ADGRA3: variants seen among roughly 807,000 people sequenced by gnomAD.
ADGRA3 encodes adhesion G protein-coupled receptor A3, also known as G-protein coupled receptor 125.
A neutral mutation model predicts 119.8 loss-of-function variants in ADGRA3; 56 were observed. The ratio of observed to expected loss-of-function variants is 0.47; its 90% confidence interval spans 0.38 to 0.58. The LOEUF (loss-of-function observed/expected upper bound fraction) is 0.58, where lower values mean the gene tolerates loss of function less well. ADGRA3 is among the 20% of genes least tolerant of loss of function. ADGRA3 has a pLI of 0.00. For synonymous variants in ADGRA3, 607 were observed against 623.8 expected, an observed-to-expected ratio of 0.97 and a Z score of 0.40; for missense variants, 1,516 against 1,649.0, an observed-to-expected ratio of 0.92 and a Z score of 1.40.
At position 22,387,599 on chromosome 4, in the gene ADGRA3, CT is replaced by C; in HGVS notation, c.*105del. ...AAAACTTCAAAGTTTATTCCAAATT[CT>C]TTTGAATCCCTATGGTGGCTGTAAA... On this transcript the variant is annotated 3_prime_UTR_variant, in exon 19 of 19. Transcript: ENST00000334304. The C allele has an allele frequency of 9.3e-7, 1 of 1,076,906 alleles. No homozygotes were observed. Among genetic ancestry groups the C allele is most frequent in the Non-Finnish European group, 1.3e-6 (1 of 781,892 alleles). The allele number at this position is 1,076,906 out of a possible 1,614,324, so 66.7% of individuals were successfully genotyped here. A position where few individuals can be genotyped will look rare whatever the true frequency, so the allele number is the denominator to read the frequency against.
chr4:22,458,642 G>A (rs115572359), intron 3 of ADGRA3, among the ~76,000 whole-genome samples: 161 of 152,064 alleles, frequency 1.1e-3, no homozygotes, highest in African/African-American at 3.5e-3. Flanking sequence ...TTTTGATTAC[G>A]CTGCTACACC....
intron 11 of ADGRA3, 102 bp from the exon 12 acceptor site, chr4:22,421,191 C>A: frequency 1.2e-6 from 1 of 816,108 alleles, no homozygotes; most frequent in Non-Finnish European, 1.9e-6. Flanking sequence ...TTAGCCAAAC[C>A]AGAAAGCCCA....
In ADGRA3 at chr4:22,515,795, G is replaced by A. The variant is rs1016718686; in HGVS notation, c.-11C>T. On this transcript the variant is annotated 5_prime_UTR_variant, in exon 1 of 19. Coordinates refer to ENST00000334304, the MANE Select transcript of ADGRA3 (RefSeq NM_145290.4). ...TCCGGGTGGCTCCATGCTGCGGGCC[G>A]GGGCCTGCGGGGCGAGCGGCGGCGC... The A allele has an allele frequency of 1.0e-6, 1 of 996,360 alleles. No individual in the cohort carries two copies. Among genetic ancestry groups the A allele is most frequent in the Non-Finnish European group, 1.2e-6 (1 of 840,668 alleles). 61.7% of individuals were successfully genotyped at this position (996,360 alleles called of 1,614,324 possible).
chr4:22,490,555 G>C (rs1358825213), intron 1 of ADGRA3, among the ~76,000 whole-genome samples: 1 of 152,042 alleles, frequency 6.6e-6, no homozygotes, highest in Non-Finnish European at 1.5e-5. Flanking sequence ...GGGAGTGAGA[G>C]CAGAAATACA....
At chr4:22,513,852 A>AC (rs1719542222) in intron 1 of ADGRA3, among the ~76,000 whole-genome samples, 1 of 138,406 alleles carries the variant, frequency 7.2e-6, no homozygotes, top group Non-Finnish European at 1.6e-5. Context: ...AGGCAAAAAA[A>AC]AAAAAAAAAA....
intron 2 of ADGRA3, among the ~76,000 whole-genome samples, chr4:22,462,872 C>T (rs1717516760): frequency 6.6e-6 from 1 of 152,192 alleles, no homozygotes; most frequent in South Asian, 2.1e-4. Context: ...CAGCTCCCCT[C>T]CTGGTGGCTG....
intron 2 of ADGRA3, among the ~76,000 whole-genome samples, chr4:22,467,808 T>G (rs1043498694): frequency 6.6e-6 from 1 of 152,222 alleles, no homozygotes; most frequent in African/African-American, 2.4e-5. Context: ...GGAGTCTGAC[T>G]TCAGGATGTA....
At chr4:22,416,858 T>C (rs896249780) in intron 12 of ADGRA3, among the ~76,000 whole-genome samples, 4 of 152,062 alleles carry the variant, frequency 2.6e-5, no homozygotes, top group African/African-American at 9.7e-5. Context: ...AAAAGGAAAA[T>C]GATAAGCATA....
chr4:22,413,093 A>AC lies in ADGRA3; in HGVS notation c.2232+88_2232+89insG, dbSNP rs1715278573. On this transcript the variant is annotated intron_variant, in intron 14 of 18. Coordinates refer to ENST00000334304, the MANE Select transcript of ADGRA3 (RefSeq NM_145290.4). The stretch of plus-strand genomic sequence containing the variant: ...TTAAAAGTAAAAAAAAAAAAAAAAC[A>AC]AAAAACAAAAAAACACTTCATTTGA... 4 of 1,053,480 alleles carry AC rather than the reference A, an allele frequency of 3.8e-6. No individual in the cohort carries two copies. In the South Asian group the frequency reaches 6.0e-5, roughly 16 times the overall value. 65.3% of individuals were successfully genotyped at this position (1,053,480 alleles called of 1,614,324 possible).
chr4:22,392,168 G>A (rs1168519886), intron 17 of ADGRA3, among the ~76,000 whole-genome samples: 1 of 152,150 alleles, frequency 6.6e-6, no homozygotes, highest in Non-Finnish European at 1.5e-5. Context: ...CCTTTGCATA[G>A]AATAATTAAA....
At position 22,388,905 on chromosome 4, in the gene ADGRA3, C is replaced by T. The variant is rs527691551; in HGVS notation, c.2766G>A (p.Gly922=). 1 of 1,614,058 alleles carries T rather than the reference C, an allele frequency of 6.2e-7. No homozygotes were observed. Among genetic ancestry groups the T allele is most frequent in the African/African-American group, 1.3e-5 (1 of 75,016 alleles). Residue 922 remains glycine (G), a synonymous_variant, in exon 19 of 19, where the codon GGG becomes GGA. Transcript: ENST00000334304. ...AWEPSLGAFY[G]PASFITFVNC... is the part of the protein sequence containing the mutation. ...TTACAAAAGTGATGAAGCTGGCTGG[C>T]CCATAGAAGGCTCCCAAGGAGGGTT...
chr4:22,461,303 C>A (rs977401498), intron 3 of ADGRA3, among the ~76,000 whole-genome samples: 1 of 152,194 alleles, frequency 6.6e-6, no homozygotes, highest in East Asian at 1.9e-4. Context: ...ATAAAATACT[C>A]TTTGTTTTTC....
At chr4:22,427,865 C>G (rs890093267) in intron 10 of ADGRA3, among the ~76,000 whole-genome samples, 5 of 152,176 alleles carry the variant, frequency 3.3e-5, no homozygotes, top group African/African-American at 1.2e-4. Flanking sequence ...AAGGACTCCT[C>G]CACCTGTTCT....
At chr4:22,447,414 AAAGAG>A in intron 5 of ADGRA3, 21 bp downstream of exon 5, 1 of 1,360,972 alleles carries the variant, frequency 7.3e-7, no homozygotes, top group South Asian at 1.4e-5. Context: ...TCAAAAAAAA[AAAGAG>A]AGAAAAAAAT....
At chr4:22,482,426 C>T (rs908978577) in intron 1 of ADGRA3, among the ~76,000 whole-genome samples, 1 of 151,404 alleles carries the variant, frequency 6.6e-6, no homozygotes, top group African/African-American at 2.4e-5. Context: ...GAGGCTGAGG[C>T]AGGAGGACTG....
intron 1 of ADGRA3, among the ~76,000 whole-genome samples, chr4:22,477,217 A>C (rs1426783544): frequency 6.6e-6 from 1 of 152,166 alleles, no homozygotes; most frequent in Non-Finnish European, 1.5e-5. Flanking sequence ...TGACGTTAGA[A>C]ACTTCACAGG....
chr4:22,473,906 G>T, intron 1 of ADGRA3, 63 bp from the exon 2 acceptor site: 2 of 976,640 alleles, frequency 2.0e-6, no homozygotes, highest in Non-Finnish European at 1.6e-6. Flanking sequence ...AAGTAATTTA[G>T]CTTATTATGT....
chr4:22,444,658 T>A (rs917930292), intron 6 of ADGRA3, among the ~76,000 whole-genome samples: 9 of 152,124 alleles, frequency 5.9e-5, no homozygotes, highest in Non-Finnish European at 8.8e-5. Flanking sequence ...CATCCTGAGA[T>A]TGTGTTACTA....
rs554821617 is a variant in ADGRA3, at chr4:22,423,802, T to C, written c.1605+389A>G. Reference sequence around the variant, plus strand: ...TAGGCTCAGATGGACTATGGGTATGTGCCAGTGGGGCAATACAATAGTGTT... The same window carrying C: ...TAGGCTCAGATGGACTATGGGTATGCGCCAGTGGGGCAATACAATAGTGTT... On this transcript the variant is annotated intron_variant, in intron 11 of 18. Transcript: ENST00000334304. 9.8e-5 allele frequency among the ~76,000 whole-genome samples: 15 copies of C among 152,306 alleles called. No homozygotes were observed. The East Asian group carries it at 1.5e-3, about 16-fold the overall frequency.
Sources: gnomAD v4.1 joint callset for allele counts (sites outside exome capture counted in the v4.1 genomes callset) on GRCh38, gnomAD v4.1.1 for gene constraint, MANE v1.5 for transcripts, NCBI Gene and HGNC (gene_info 2026-07-23, HGNC 2026-07-21) for gene names.